The following POLR2B variants were observed in gnomAD, a reference collection of about 807,000 sequenced individuals.
POLR2B encodes the protein RNA polymerase II subunit B.
POLR2B carries 57 observed loss-of-function variants against 144.6 expected under a neutral mutation model. The ratio of observed to expected loss-of-function variants is 0.39; its 90% confidence interval spans 0.32 to 0.49. POLR2B has a LOEUF of 0.49. Among genes scored for constraint, POLR2B ranks in the 20% least tolerant of loss-of-function variants. The pLI is 0.83. For synonymous variants in POLR2B, 442 were observed against 469.8 expected (o/e 0.94, Z 0.77); for missense variants, 595 against 1,467.4 (o/e 0.41, Z 9.71).
intron 23 of POLR2B, among the ~76,000 whole-genome samples, chr4:57,029,242 C>T (rs1272297698): frequency 4.6e-5 from 7 of 152,052 alleles, no homozygotes; most frequent in African/African-American, 1.2e-4. Context: ...AATTAAATGG[C>T]GATTTCCAAC....
At chr4:57,000,707 G>GA (rs898731553) in intron 7 of POLR2B, among the ~76,000 whole-genome samples, 1 of 124,396 alleles carries the variant, frequency 8.0e-6, no homozygotes, top group African/African-American at 3.5e-5. Flanking sequence ...TGTTTTTTTT[G>GA]GGGGGGAGGA....
intron 10 of POLR2B, among the ~76,000 whole-genome samples, chr4:57,009,082 G>T (rs1375406313): frequency 6.6e-6 from 1 of 152,150 alleles, no homozygotes; most frequent in African/African-American, 2.4e-5. Flanking sequence ...AGTAATTAGG[G>T]ACTGGACTAG....
intron 10 of POLR2B, among the ~76,000 whole-genome samples, chr4:57,008,267 A>G (rs1723083617): frequency 6.6e-6 from 1 of 150,842 alleles, no homozygotes; most frequent in African/African-American, 2.4e-5. Context: ...TACAGTGGCA[A>G]TCTCCGCTCA....
At position 57,020,892 on chromosome 4, in the gene POLR2B, A is replaced by G; in HGVS notation, c.2324-7A>G. ...TGTTTTAATGTATGCTCTTAAATTC[A>G]CTGCAGGCATCAACTCAATTGTGGC... On this transcript the variant is annotated splice_polypyrimidine_tract_variant and splice_region_variant and intron_variant, in intron 16 of 24. Transcript: ENST00000314595. The G allele has an allele frequency of 6.7e-7, 1 of 1,484,036 alleles. No homozygotes were observed. The highest frequency in any genetic ancestry group is 9.4e-7 in the Non-Finnish European group (1 of 1,061,308). 91.9% of individuals were successfully genotyped at this position (1,484,036 alleles called of 1,614,324 possible).
At chr4:57,013,918 C>T (rs1365258167) in intron 13 of POLR2B, among the ~76,000 whole-genome samples, 1 of 150,132 alleles carries the variant, frequency 6.7e-6, no homozygotes, top group East Asian at 2.0e-4. Context: ...GACCAACCAC[C>T]CTGGGCAACA....
intron 3 of POLR2B, among the ~76,000 whole-genome samples, chr4:56,993,742 T>C (rs1284136119): frequency 6.6e-6 from 1 of 152,232 alleles, no homozygotes; most frequent in African/African-American, 2.4e-5. Flanking sequence ...TTTTGTGTGT[T>C]TTTTAAAATA....
intron 1 of POLR2B, among the ~76,000 whole-genome samples, chr4:56,982,810 A>T (rs187619226): frequency 1.3e-4 from 20 of 152,236 alleles, no homozygotes; most frequent in African/African-American, 4.8e-4. Flanking sequence ...TTTGGTATCT[A>T]TGGGAGGTCC....
chr4:56,982,927 A>T (rs1336245782), intron 1 of POLR2B, among the ~76,000 whole-genome samples: 6 of 152,108 alleles, frequency 3.9e-5, no homozygotes, highest in Admixed American at 3.9e-4. Flanking sequence ...CTCTATATCT[A>T]ATCAGTCACC....
chr4:57,000,286 C>G (rs987021007), intron 7 of POLR2B, among the ~76,000 whole-genome samples: 1 of 152,070 alleles, frequency 6.6e-6, no homozygotes, highest in African/African-American at 2.4e-5. Context: ...AAAGGTTAAC[C>G]AGGCATGGTG....
rs749902588 is a variant in POLR2B at position 57,023,295 on chromosome 4, G to C, written c.2516-35G>C. Reference sequence around the variant, plus strand: ...GTATGTGGTTTTTAATCTTTGTTGGGGATTATGTGACATTCCGTGTCTATT... The same window carrying C: ...GTATGTGGTTTTTAATCTTTGTTGGCGATTATGTGACATTCCGTGTCTATT... On this transcript the variant is annotated intron_variant, in intron 18 of 24. Coordinates refer to ENST00000314595, the MANE Select transcript of POLR2B (RefSeq NM_000938.3). This position sits in a 1 kb window ranked among gnomAD's most constrained non-coding sequence, Gnocchi z 4.3. The C allele has an allele frequency of 6.2e-7, 1 of 1,609,420 alleles. No homozygotes were observed. Among genetic ancestry groups the C allele is most frequent in the Admixed American group, 1.7e-5 (1 of 59,796 alleles).
At position 57,017,601 on chromosome 4, in the gene POLR2B, T is replaced by C. The variant is rs1723411765; in HGVS notation, c.2196T>C (p.Ala732=). The C allele has an allele frequency of 6.2e-7, 1 of 1,613,900 alleles. No homozygotes were observed. Among genetic ancestry groups the C allele is most frequent in the South Asian group, 1.1e-5 (1 of 91,066 alleles). ...NTYQSAMGKQ[A]MGVYITNFHV... The stretch of plus-strand genomic sequence containing the variant: ...ACCAGTCTGCTATGGGTAAGCAGGC[T>C]ATGGGAGTTTACATCACCAACTTCC... Residue 732 remains alanine, a synonymous_variant, in exon 16 of 25, where the codon GCT becomes GCC. Transcript: ENST00000314595. The surrounding 1 kb of genome is among the most constrained non-coding windows in gnomAD (Gnocchi z 4.8).
chr4:56,985,611 T>C (rs935375155), intron 1 of POLR2B, among the ~76,000 whole-genome samples: 4 of 152,176 alleles, frequency 2.6e-5, no homozygotes, highest in African/African-American at 9.7e-5. Context: ...CATATTGGCC[T>C]GGCTGGTCTC....
rs757714584 is a variant in POLR2B at position 57,007,015 on chromosome 4, A to C, written c.1404+13A>C. The C allele has an allele frequency of 6.3e-7, 1 of 1,578,792 alleles. No individual in the cohort carries two copies. The highest frequency in any genetic ancestry group is 8.7e-7 in the Non-Finnish European group (1 of 1,149,624). On this transcript the variant is annotated intron_variant, in intron 10 of 24. Transcript: ENST00000314595. ...TGGAGTATCTCAGGTAAGTGTGCCA[A>C]CTATGACTACAGGCTCAATAGGAAA...
In POLR2B at chr4:57,010,302, G is replaced by A. The variant is rs188456401; in HGVS notation, c.1405-59G>A. On this transcript the variant is annotated intron_variant, in intron 10 of 24. Transcript: ENST00000314595. Reference sequence around the variant, plus strand: ...TATGTAAAAATATGACTTTGCCTCAGTGTAATAGTATGAATCACAGAAATG... The same window carrying A: ...TATGTAAAAATATGACTTTGCCTCAATGTAATAGTATGAATCACAGAAATG... 1.0e-5 allele frequency: 15 copies of A among 1,487,336 alleles called. No homozygotes were observed. In the Admixed American group the frequency reaches 2.7e-4, roughly 26 times the overall value. 92.1% of individuals were successfully genotyped at this position (1,487,336 alleles called of 1,614,324 possible).
At chr4:57,018,289 A>T (rs533494194) in intron 16 of POLR2B, among the ~76,000 whole-genome samples, 1 of 152,244 alleles carries the variant, frequency 6.6e-6, no homozygotes, top group Non-Finnish European at 1.5e-5. Flanking sequence ...GTAGATTACA[A>T]TCAGGTACTG....
At chr4:56,986,981 G>C (rs1277287) in intron 2 of POLR2B, among the ~76,000 whole-genome samples, 45,744 of 151,930 alleles carry the variant, frequency 0.3, 7,107 homozygotes, top group Admixed American at 0.4. Flanking sequence ...ACTTGTCATG[G>C]CATGTTCTTT....
chr4:56,979,810 G>C (rs1722097951), intron 1 of POLR2B, among the ~76,000 whole-genome samples: 1 of 150,918 alleles, frequency 6.6e-6, no homozygotes, highest in African/African-American at 2.4e-5. Flanking sequence ...GAGGCCGGAC[G>C]ATCGCTTGAG....
At chr4:57,019,560 C>G (rs2109707392) in intron 16 of POLR2B, among the ~76,000 whole-genome samples, 1 of 152,154 alleles carries the variant, frequency 6.6e-6, no homozygotes, top group East Asian at 1.9e-4. Flanking sequence ...CTCTATTATT[C>G]TCTCCCTTTT....
chr4:57,026,508 T>C (rs1326938835), intron 23 of POLR2B, among the ~76,000 whole-genome samples: 1 of 152,222 alleles, frequency 6.6e-6, no homozygotes, highest in Non-Finnish European at 1.5e-5. Context: ...TTTATGTGAG[T>C]TGTATTTATT....
Sources: allele counts gnomAD v4.1 joint callset (sites outside exome capture counted in the v4.1 genomes callset), GRCh38; gene constraint gnomAD v4.1.1; non-coding constraint Gnocchi (gnomAD v3.1); transcripts MANE v1.5; gene names NCBI Gene and HGNC (gene_info 2026-07-23, HGNC 2026-07-21).